The following WWOX variants were observed in gnomAD, a reference collection of about 807,000 sequenced individuals.
WWOX encodes WW domain containing oxidoreductase, also known as WW domain-containing oxidoreductase.
WWOX carries 69 observed loss-of-function variants against 46.2 expected under a neutral mutation model. The ratio of observed to expected loss-of-function variants is 1.49; its 90% confidence interval spans 1.23 to 1.82. WWOX has a LOEUF of 1.82. Among genes scored for constraint, WWOX ranks in the 40% most tolerant of loss-of-function variants. WWOX has a pLI of 0.00. For synonymous variants in WWOX, 359 were observed against 202.6 expected (o/e 1.77, Z -6.56); for missense variants, 919 against 542.6 (o/e 1.69, Z -6.89).
intron 1 of WWOX, among the ~76,000 whole-genome samples, chr16:78,107,415 T>C (rs527402897): frequency 6.6e-6 from 1 of 152,352 alleles, no homozygotes; most frequent in East Asian, 1.9e-4. Flanking sequence ...CTTACATTTC[T>C]CAGAGCTTTT....
intron 8 of WWOX, among the ~76,000 whole-genome samples, chr16:78,592,886 C>T (rs192570600): frequency 6.9e-4 from 105 of 152,216 alleles, no homozygotes; most frequent in African/African-American, 2.4e-3. Context: ...AGCATGAAAA[C>T]GAAAAGGTGG....
intron 8 of WWOX, among the ~76,000 whole-genome samples, chr16:79,036,012 G>A (rs953754067): frequency 2.6e-5 from 4 of 152,014 alleles, no homozygotes; most frequent in Admixed American, 6.6e-5. Flanking sequence ...TATCTTTTCC[G>A]TTCCTCCTTC....
chr16:78,899,760 G>C (rs1264118653), intron 8 of WWOX: 18 of 152,182 alleles, frequency 1.2e-4, no homozygotes, highest in Admixed American at 1.1e-3. Flanking sequence ...CTGAAGAATT[G>C]TGTGCAAAGC....
intron 8 of WWOX, among the ~76,000 whole-genome samples, chr16:78,807,361 A>C (rs1055700696): frequency 1.3e-5 from 2 of 152,264 alleles, no homozygotes; most frequent in Non-Finnish European, 1.5e-5. Flanking sequence ...CAAGAGGACC[A>C]GAGCAGAAGT....
chr16:78,935,256 A>T (rs1017045153), intron 8 of WWOX, among the ~76,000 whole-genome samples: 1 of 152,214 alleles, frequency 6.6e-6, no homozygotes, highest in Non-Finnish European at 1.5e-5. Context: ...ATTACTGGGT[A>T]TATACCCAAA....
At chr16:78,866,987 G>C (rs2151198332) in intron 8 of WWOX, among the ~76,000 whole-genome samples, 1 of 152,312 alleles carries the variant, frequency 6.6e-6, no homozygotes, top group East Asian at 1.9e-4. Context: ...TTTCAAATTT[G>C]TGATTTGTCA....
chr16:78,398,079 T>C (rs562251216), intron 6 of WWOX, among the ~76,000 whole-genome samples: 1 of 152,336 alleles, frequency 6.6e-6, no homozygotes, highest in African/African-American at 2.4e-5. Context: ...TTCAAATTGA[T>C]GCTTATCAAG....
chr16:79,208,909 C>A (rs564059636), intron 8 of WWOX, among the ~76,000 whole-genome samples: 11 of 152,262 alleles, frequency 7.2e-5, no homozygotes, highest in African/African-American at 2.4e-4. Context: ...CTTAATTGTC[C>A]AGCAAGGGAG....
chr16:78,419,740 G>A (rs778087376), intron 6 of WWOX, among the ~76,000 whole-genome samples: 1 of 149,746 alleles, frequency 6.7e-6, no homozygotes, highest in South Asian at 2.1e-4. Context: ...CTTAGACAAT[G>A]ATTTCTTGGA....
At chr16:78,692,388 G>T (rs2048009794) in intron 8 of WWOX, among the ~76,000 whole-genome samples, 1 of 152,180 alleles carries the variant, frequency 6.6e-6, no homozygotes, top group Non-Finnish European at 1.5e-5. Context: ...TTACCAAAGT[G>T]TACATTGCCT....
intron 8 of WWOX, among the ~76,000 whole-genome samples, chr16:79,167,630 C>T (rs1319898750): frequency 6.6e-6 from 1 of 152,144 alleles, no homozygotes; most frequent in Non-Finnish European, 1.5e-5. Context: ...AGTCACTTGC[C>T]CAAGGTTATC....
Position 78,608,432 on chromosome 16 carries a change from G to C in WWOX, c.1056+175680G>C, listed in dbSNP as rs76275504. On this transcript the variant is annotated intron_variant, in intron 8 of 8. Coordinates refer to ENST00000566780, the MANE Select transcript of WWOX (RefSeq NM_016373.4). ...AACTGTCTCCTTACTCTGTGCTCTT[G>C]CCCCAGGCAGAGTGGAAGTTGCCTT... 3.9e-5 allele frequency among the ~76,000 whole-genome samples: 6 copies of C among 152,238 alleles called. No homozygotes were observed. The East Asian group carries it at 1.2e-3, about 29-fold the overall frequency.
chr16:78,430,703 C>T (rs1408041353), intron 7 of WWOX, among the ~76,000 whole-genome samples: 2 of 152,248 alleles, frequency 1.3e-5, no homozygotes, highest in Non-Finnish European at 2.9e-5. Flanking sequence ...GCCAACAATT[C>T]GTTTCAAGGT....
chr16:78,415,828 A>G (rs2082785490), intron 6 of WWOX, among the ~76,000 whole-genome samples: 1 of 151,920 alleles, frequency 6.6e-6, no homozygotes, highest in Non-Finnish European at 1.5e-5. Context: ...CGCCCCCACC[A>G]CTACCACCTT....
chr16:79,189,886 G>A (rs991514652), intron 8 of WWOX, among the ~76,000 whole-genome samples: 4 of 137,340 alleles, frequency 2.9e-5, no homozygotes, highest in African/African-American at 8.1e-5. Context: ...ACTTCCAGTG[G>A]TTTCATATTC....
chr16:78,425,791 C>T (rs1370513917), intron 7 of WWOX, among the ~76,000 whole-genome samples: 1 of 152,030 alleles, frequency 6.6e-6, no homozygotes, highest in East Asian at 1.9e-4. Flanking sequence ...TTCACGTTTG[C>T]TTGGTGTGTG....
chr16:78,385,806 C>T (rs879228425), intron 5 of WWOX, among the ~76,000 whole-genome samples: 32 of 152,216 alleles, frequency 2.1e-4, no homozygotes, highest in African/African-American at 7.7e-4. Flanking sequence ...CGGGACTCTT[C>T]TTATTTGAAT....
At position 78,381,884 on chromosome 16, in the gene WWOX, C is replaced by T. The variant is rs184684500; in HGVS notation, c.517-4976C>T. Among the ~76,000 whole-genome samples the T allele has an allele frequency of 1.6e-3, 240 of 152,102 alleles. 1 individual carries two copies. Among genetic ancestry groups the T allele is most frequent in the Non-Finnish European group, 2.8e-3 (189 of 67,986 alleles). Reference sequence around the variant, plus strand: ...GGGATTTTTTTCTTTTCCTTTTTTACTCAGACAGTCTTGTTCTGTTGCCCA... The same window carrying T: ...GGGATTTTTTTCTTTTCCTTTTTTATTCAGACAGTCTTGTTCTGTTGCCCA... On this transcript the variant is annotated intron_variant, in intron 5 of 8. Transcript: ENST00000566780.
chr16:78,967,102 T>G (rs1372731928), intron 8 of WWOX, among the ~76,000 whole-genome samples: 1 of 152,124 alleles, frequency 6.6e-6, no homozygotes, highest in Non-Finnish European at 1.5e-5. Flanking sequence ...GTCATGCATC[T>G]GTCCCTGGGT....
Sources: gnomAD v4.1 joint callset for allele counts (sites outside exome capture counted in the v4.1 genomes callset) on GRCh38, gnomAD v4.1.1 for gene constraint, MANE v1.5 for transcripts, NCBI Gene and HGNC (gene_info 2026-07-23, HGNC 2026-07-21) for gene names.